VSTM1: variants seen among roughly 807,000 people sequenced by gnomAD.
The protein encoded by VSTM1 is V-set and transmembrane domain containing 1, also known as V-set and transmembrane domain-containing protein 1.
Under a neutral mutation model 33.1 loss-of-function variants are expected in VSTM1, and 27 were observed. The ratio of observed to expected loss-of-function variants is 0.82; its 90% CI spans 0.60 to 1.12. The LOEUF (loss-of-function observed/expected upper bound fraction) is 1.12. VSTM1 is among the 50% of genes most tolerant of loss of function. The pLI, the probability that VSTM1 is intolerant of heterozygous loss-of-function variation, is 0.00. For missense variants in VSTM1, 304 were observed against 288.9 expected (o/e 1.05, Z -0.38); for synonymous variants, 115 against 110.3 (o/e 1.04, Z -0.27).
intron 3 of VSTM1, among the ~76,000 whole-genome samples, chr19:54,058,035 T>C (rs1451144211): frequency 1.3e-5 from 2 of 151,946 alleles, no homozygotes; most frequent in African/African-American, 4.8e-5. Flanking sequence ...GGTCAGGAGA[T>C]GGAGACCATC....
At chr19:54,062,828 C>T (rs11880188) in intron 1 of VSTM1, among the ~76,000 whole-genome samples, 5,136 of 152,000 alleles carry the variant, frequency 0.034, 283 homozygotes, top group African/African-American at 0.12. Context: ...CTGAAGCAGA[C>T]GAAGCACGTC....
intron 4 of VSTM1, among the ~76,000 whole-genome samples, chr19:54,050,194 T>C (rs2070772997): frequency 6.6e-6 from 1 of 151,746 alleles, no homozygotes; most frequent in African/African-American, 2.4e-5. Flanking sequence ...AGACAGGGTT[T>C]CACCATGTTG....
chr19:54,058,239 T>TA (rs375968457), intron 3 of VSTM1, 67 bp downstream of exon 3: 210,386 of 1,232,154 alleles, frequency 0.17, 4,962 homozygotes, highest in African/African-American at 0.35. Context: ...GACTCTGTCT[T>TA]AAAAAAAAAA....
At chr19:54,061,347 A>G (rs916301571) in intron 1 of VSTM1, among the ~76,000 whole-genome samples, 2 of 152,178 alleles carry the variant, frequency 1.3e-5, no homozygotes, top group African/African-American at 4.8e-5. Flanking sequence ...GAGAAGTTCA[A>G]GTTGTAACTC....
Position 54,041,811 on chromosome 19 carries a change from C to G in VSTM1, c.559G>C (p.Asp187His). 1.2e-6 allele frequency: 2 copies of G among 1,613,694 alleles called. No homozygotes were observed. The highest frequency in any genetic ancestry group is 8.5e-7 in the Non-Finnish European group (1 of 1,179,946). The change falls in exon 8 of 9, where the codon GAT becomes CAT. Residue 187 changes from aspartate to histidine, a missense_variant. Transcript: ENST00000338372. ...KLPEQEAAEA[D>H]LSNMERVSLS... ...GATACCCTTTCCATATTGGATAAAT[C>G]TGCCTCTGAGTGAGAAAGGAAAAAA... is the stretch of plus-strand genomic sequence containing the variant.
chr19:54,052,259 G>A (rs62147262), intron 3 of VSTM1, among the ~76,000 whole-genome samples: 7 of 148,352 alleles, frequency 4.7e-5, no homozygotes, highest in East Asian at 4.1e-4. Flanking sequence ...TTAGCCGAGC[G>A]TGGTGGCGGG....
rs143258264 is a variant in VSTM1 at position 54,058,583 on chromosome 19, C to A, written c.78G>T (p.Pro26=). 2 of 1,613,178 alleles carry A rather than the reference C, an allele frequency of 1.2e-6. No individual in the cohort carries two copies. The highest frequency in any genetic ancestry group is 1.7e-5 in the Admixed American group (1 of 59,906). Residue 26 remains proline (P), a synonymous_variant, in exon 3 of 9, where the codon CCG becomes CCT. Coordinates refer to ENST00000338372, the MANE Select transcript of VSTM1 (RefSeq NM_198481.4). ...GCCAGGCGTGGAGGGAGGGCTTGGG[C>A]GGTTTCTCTGGAAACAATTCAGAGT... ...GYEDEKKNEK[P]PKPSLHAWPS...
At chr19:54,049,747 C>T (rs1040031376) in intron 4 of VSTM1, among the ~76,000 whole-genome samples, 1 of 152,100 alleles carries the variant, frequency 6.6e-6, no homozygotes, top group Non-Finnish European at 1.5e-5. Context: ...AAAAACGTTT[C>T]AAATAGTTAT....
rs1337902662 is a variant in VSTM1, at chr19:54,057,092, G to A, written c.355+1214C>T. The stretch of plus-strand genomic sequence containing the variant: ...GCTGGTCTCGAACTCCCGACCTCAA[G>A]TGATCTGCCCACCTCTGCCTCCCAA... On this transcript the variant is annotated intron_variant, in intron 3 of 8. Transcript: ENST00000338372. Among the ~76,000 whole-genome samples the A allele has an allele frequency of 1.4e-5, 2 of 139,938 alleles. 1 individual carries two copies. Among genetic ancestry groups the A allele is most frequent in the Non-Finnish European group, 3.1e-5 (2 of 63,676 alleles). 91.8% of individuals were successfully genotyped at this position (139,938 alleles called of 152,430 possible).
At chr19:54,044,708 A>G (rs1301716485) in intron 4 of VSTM1, among the ~76,000 whole-genome samples, 4 of 152,212 alleles carry the variant, frequency 2.6e-5, no homozygotes, top group Admixed American at 6.5e-5. Context: ...AGGTAGTACA[A>G]TTATTTCCCT....
At chr19:54,061,736 C>T (rs1157280898) in intron 1 of VSTM1, among the ~76,000 whole-genome samples, 1 of 152,012 alleles carries the variant, frequency 6.6e-6, no homozygotes, top group African/African-American at 2.4e-5. Context: ...ACTGCTTGAG[C>T]TCAGGAGGTT....
intron 3 of VSTM1, among the ~76,000 whole-genome samples, chr19:54,057,665 C>T (rs1369831194): frequency 6.6e-6 from 1 of 151,608 alleles, no homozygotes; most frequent in Non-Finnish European, 1.5e-5. Context: ...AAAAATTAGC[C>T]AGGTGTGGTG....
chr19:54,050,510 T>G (rs58149897), intron 4 of VSTM1, among the ~76,000 whole-genome samples: 31,668 of 151,910 alleles, frequency 0.21, 3,550 homozygotes, highest in Non-Finnish European at 0.26. Flanking sequence ...TTCACCCCCA[T>G]TATTCCCCAA....
chr19:54,051,990 G>A (rs1202765876), intron 3 of VSTM1, among the ~76,000 whole-genome samples: 3 of 151,984 alleles, frequency 2.0e-5, no homozygotes, highest in East Asian at 1.9e-4. Context: ...CAAACTCCTG[G>A]CCTCAAGTGA....
At chr19:54,042,810 A>ATATATATATG (rs2070365813) in intron 4 of VSTM1, among the ~76,000 whole-genome samples, 1 of 36,264 alleles carries the variant, frequency 2.8e-5, no homozygotes, top group African/African-American at 9.0e-5. Context: ...AAATGTGTAT[A>ATATATATATG]TATATATATA....
chr19:54,043,691 C>T (rs1201146233), intron 4 of VSTM1, among the ~76,000 whole-genome samples: 8 of 152,180 alleles, frequency 5.3e-5, no homozygotes, highest in African/African-American at 1.4e-4. Context: ...GGATTACAGG[C>T]GTGAGCCACC....
At chr19:54,063,194 C>A (rs569024111) in intron 1 of VSTM1, among the ~76,000 whole-genome samples, 1 of 151,948 alleles carries the variant, frequency 6.6e-6, no homozygotes, top group Non-Finnish European at 1.5e-5. Context: ...AAAAGTCAGC[C>A]GGGTGTGGTG....
In VSTM1 at chr19:54,063,807, G is replaced by A. The variant is rs201105478; in HGVS notation, c.-30C>T. ...TCCCTTCTGCCAGAACCAAGGCCCC[G>A]CCTTGGGTTTTACCCTTCAAAGGCG... is the stretch of plus-strand genomic sequence containing the variant. On this transcript the variant is annotated 5_prime_UTR_variant, in exon 1 of 9. Transcript: ENST00000338372. The A allele has an allele frequency of 1.2e-4, 194 of 1,613,094 alleles. No individual in the cohort carries two copies. The East Asian group carries it at 3.4e-3, about 28-fold the overall frequency.
chr19:54,056,462 C>G (rs975741570), intron 3 of VSTM1, among the ~76,000 whole-genome samples: 4 of 138,984 alleles, frequency 2.9e-5, no homozygotes, highest in African/African-American at 1.1e-4. Flanking sequence ...CTCAGGTGAT[C>G]CACCCTCCTA....
Sources: allele counts gnomAD v4.1 joint callset (sites outside exome capture counted in the v4.1 genomes callset), GRCh38; gene constraint gnomAD v4.1.1; transcripts MANE v1.5; gene names NCBI Gene and HGNC (gene_info 2026-07-23, HGNC 2026-07-21).